Variants in ADAD1 observed in about 807,000 individuals in gnomAD.
ADAD1 encodes adenosine deaminase domain containing 1.
ADAD1 carries 46 observed loss-of-function variants against 66.8 expected under a neutral mutation model. The observed-to-expected ratio is 0.69, with a 90% CI of 0.54 to 0.88. The LOEUF (loss-of-function observed/expected upper bound fraction) is 0.88, where lower values mean the gene tolerates loss of function less well. Among genes scored for constraint, ADAD1 ranks in the 40% least tolerant of loss-of-function variants. The pLI, the probability that ADAD1 is intolerant of heterozygous loss-of-function variation, is 0.00. For missense variants in ADAD1, 617 were observed against 681.8 expected, an observed-to-expected ratio of 0.91 and a Z score of 1.06; for synonymous variants, 248 against 229.4, an observed-to-expected ratio of 1.08 and a Z score of -0.73.
intron 7 of ADAD1, among the ~76,000 whole-genome samples, chr4:122,407,412 G>A (rs1796264366): frequency 6.6e-6 from 1 of 152,126 alleles, no homozygotes; most frequent in Non-Finnish European, 1.5e-5. Flanking sequence ...ACTGGAAAAA[G>A]CATAAGGTTT....
chr4:122,415,651 C>A, intron 11 of ADAD1, 35 bp downstream of exon 11: 1 of 1,554,948 alleles, frequency 6.4e-7, no homozygotes, highest in African/African-American at 1.4e-5. Context: ...CCATATATTA[C>A]TTAAGCAAAA....
Position 122,407,870 on chromosome 4 carries a change from G to A in ADAD1, c.725-38G>A, listed in dbSNP as rs536908452. 3.7e-6 allele frequency: 6 copies of A among 1,603,038 alleles called. 1 individual carries two copies. The highest frequency in any genetic ancestry group is 1.7e-4 in the Middle Eastern group (1 of 5,982). ...AGAGGTGAATGTAGGGAAGAGAGAGGTTAAATTAACCTGCTACTGTCTACC... is the reference window on the plus strand; with the variant it reads ...AGAGGTGAATGTAGGGAAGAGAGAGATTAAATTAACCTGCTACTGTCTACC... On this transcript the variant is annotated intron_variant, in intron 7 of 12. Transcript: ENST00000296513.
intron 4 of ADAD1, among the ~76,000 whole-genome samples, chr4:122,381,900 A>G (rs1794914381): frequency 6.6e-6 from 1 of 152,122 alleles, no homozygotes; most frequent in Non-Finnish European, 1.5e-5. Flanking sequence ...TGTTTCTTTA[A>G]TTTTCCTGGT....
chr4:122,385,587 T>C (rs1023787051), intron 5 of ADAD1, among the ~76,000 whole-genome samples: 1 of 152,214 alleles, frequency 6.6e-6, no homozygotes, highest in African/African-American at 2.4e-5. Context: ...GTAGTTTGTT[T>C]GTTTTTTTAA....
At chr4:122,392,767 GC>G (rs1414315763) in intron 5 of ADAD1, among the ~76,000 whole-genome samples, 1 of 152,072 alleles carries the variant, frequency 6.6e-6, no homozygotes, top group African/African-American at 2.4e-5. Flanking sequence ...GGGATGTAGT[GC>G]TCTAAATAAA....
At chr4:122,419,445 G>C (rs1305841008) in intron 11 of ADAD1, among the ~76,000 whole-genome samples, 1 of 152,078 alleles carries the variant, frequency 6.6e-6, no homozygotes, top group African/African-American at 2.4e-5. Context: ...CTTAATACTT[G>C]GGTGATGAAA....
In ADAD1 at chr4:122,429,679, A is replaced by G; in HGVS notation, c.1671A>G (p.Gln557=). The part of the protein sequence containing the change: ...EAKCKLKSYL[Q]QHGYGSWIVK... ...AATGTAAGTTGAAATCCTACTTACA[A>G]CAACATGGCTATGGATCCTGGATTG... The change falls in exon 13 of 13, where the codon CAA becomes CAG. Residue 557 remains glutamine (Q), a synonymous_variant. Coordinates refer to ENST00000296513, the MANE Select transcript of ADAD1 (RefSeq NM_139243.4). 4 of 1,613,660 alleles carry G rather than the reference A, an allele frequency of 2.5e-6. No individual in the cohort carries two copies. The highest frequency in any genetic ancestry group is 2.2e-5 in the East Asian group (1 of 44,788).
At chr4:122,400,624 T>C (rs2150562576) in intron 7 of ADAD1, among the ~76,000 whole-genome samples, 1 of 152,162 alleles carries the variant, frequency 6.6e-6, no homozygotes, top group South Asian at 2.1e-4. Flanking sequence ...GCTGTGAATC[T>C]GTTCGGTTGC....
chr4:122,406,038 A>C (rs573989074), intron 7 of ADAD1, among the ~76,000 whole-genome samples: 1 of 152,160 alleles, frequency 6.6e-6, no homozygotes, highest in Non-Finnish European at 1.5e-5. Context: ...TACAGTGAAC[A>C]TGGGAGTGTA....
chr4:122,382,484 TCTCA>T (rs1794953452), intron 4 of ADAD1, among the ~76,000 whole-genome samples: 1 of 152,090 alleles, frequency 6.6e-6, no homozygotes, highest in African/African-American at 2.4e-5. Flanking sequence ...AGATAGAGGC[TCTCA>T]CTCTGTTATC....
chr4:122,416,991 T>C (rs1796767357), intron 11 of ADAD1, among the ~76,000 whole-genome samples: 1 of 152,142 alleles, frequency 6.6e-6, no homozygotes. Context: ...ATTAAGTGTG[T>C]GAGCTTATCA....
chr4:122,389,119 A>G (rs1795320233), intron 5 of ADAD1, among the ~76,000 whole-genome samples: 1 of 152,084 alleles, frequency 6.6e-6, no homozygotes. Flanking sequence ...TGATTTCATT[A>G]TTTACCCAGG....
chr4:122,404,493 G>T (rs1044459399), intron 7 of ADAD1, among the ~76,000 whole-genome samples: 2 of 152,134 alleles, frequency 1.3e-5, no homozygotes, highest in Non-Finnish European at 2.9e-5. Flanking sequence ...TTCAGAGGTA[G>T]GCTTTTCCCC....
In ADAD1 at chr4:122,380,985, T is replaced by C. The variant is rs775541733; in HGVS notation, c.173-7T>C. ...ACCAAATTGACAAGTATAACATTTG[T>C]TTTTAGGTAATTTTCCAGAGCCGTT... On this transcript the variant is annotated splice_polypyrimidine_tract_variant and splice_region_variant and intron_variant, in intron 3 of 12. Coordinates refer to ENST00000296513, the MANE Select transcript of ADAD1 (RefSeq NM_139243.4). The C allele has an allele frequency of 1.9e-6, 3 of 1,583,538 alleles. No homozygotes were observed. The highest frequency in any genetic ancestry group is 2.6e-6 in the Non-Finnish European group (3 of 1,172,882).
intron 7 of ADAD1, among the ~76,000 whole-genome samples, chr4:122,405,247 G>A: frequency 6.6e-6 from 1 of 152,040 alleles, no homozygotes; most frequent in East Asian, 1.9e-4. Flanking sequence ...TCAGTATTCT[G>A]GAAAGCCTGG....
chr4:122,425,682 T>C (rs1797200276), intron 12 of ADAD1, among the ~76,000 whole-genome samples: 1 of 151,812 alleles, frequency 6.6e-6, no homozygotes, highest in South Asian at 2.1e-4. Context: ...ATTTATATTG[T>C]ATTAGGTATT....
At chr4:122,381,240 G>C in intron 4 of ADAD1, 60 bp downstream of exon 4, 1 of 1,449,466 alleles carries the variant, frequency 6.9e-7, no homozygotes, top group Admixed American at 2.7e-5. Context: ...AAATAATTGT[G>C]CTAAGTTTAG....
chr4:122,416,674 A>C (rs1580798862), intron 11 of ADAD1, among the ~76,000 whole-genome samples: 1 of 151,942 alleles, frequency 6.6e-6, no homozygotes, highest in African/African-American at 2.4e-5. Context: ...TTGAAGCTGC[A>C]GTGAGCTATG....
intron 5 of ADAD1, among the ~76,000 whole-genome samples, chr4:122,389,309 G>A (rs747860363): frequency 5.9e-5 from 9 of 152,106 alleles, no homozygotes; most frequent in Admixed American, 1.3e-4. Context: ...TAAGTGCCAC[G>A]TGGCACTGAG....
Sources: gnomAD v4.1 joint callset for allele counts (sites outside exome capture counted in the v4.1 genomes callset) on GRCh38, gnomAD v4.1.1 for gene constraint, MANE v1.5 for transcripts, NCBI Gene and HGNC (gene_info 2026-07-23, HGNC 2026-07-21) for gene names.